Variants in ANO4 observed in about 807,000 individuals in gnomAD.
The protein encoded by ANO4 is anoctamin-4.
In ANO4, 69 loss-of-function variants were observed where a neutral mutation model predicts 141.9. The observed-to-expected ratio is 0.49, with a 90% CI of 0.40 to 0.59. The LOEUF (loss-of-function observed/expected upper bound fraction) is 0.59, where lower values mean the gene tolerates loss of function less well. Among genes scored for constraint, ANO4 ranks in the 20% least tolerant of loss-of-function variants. ANO4 has a pLI of 0.00. For missense variants in ANO4, 894 were observed against 1,162.2 expected, an observed-to-expected ratio of 0.77 and a Z score of 3.36; for synonymous variants, 350 against 394.3, an observed-to-expected ratio of 0.89 and a Z score of 1.33.
rs534882402 is a variant in ANO4, at chr12:100,859,728, G to T, written c.-140-41918G>T. On this transcript the variant is annotated intron_variant, in intron 1 of 27. Coordinates refer to ENST00000392977, the MANE Select transcript of ANO4 (RefSeq NM_001286615.2). ...GATCTGCCACTGCTTCAGAGCCTCT[G>T]TGAGGGCAGAGATAAGGTCTCGTTC... Among the ~76,000 whole-genome samples the T allele has an allele frequency of 1.2e-4, 18 of 152,278 alleles. No homozygotes were observed. In the South Asian group the frequency reaches 2.3e-3, roughly 19 times the overall value.
rs144617230 is a variant in ANO4 at position 100,751,847 on chromosome 12, T to C, written c.358+11742T>C. Among the ~76,000 whole-genome samples, 387 of 152,204 alleles carry C rather than the reference T, an allele frequency of 2.5e-3. 1 individual carries two copies. The highest frequency in any genetic ancestry group is 8.5e-3 in the African/African-American group (355 of 41,536). On this transcript the variant is annotated intron_variant, in intron 3 of 29. Coordinates refer to the ANO4 transcript ENST00000644049. ...GGGGTGTATAAAGAGGGCATTTAAT[T>C]TGGATTTTGAAGATGGGGAAAGACT...
At chr12:101,066,879 T>G in intron 14 of ANO4, 3 of 1,066,590 alleles carry the variant, frequency 2.8e-6, no homozygotes, top group Non-Finnish European at 4.4e-6. Context: ...AAATTTACAG[T>G]GCACACAAAG....
chr12:101,115,487 C>T (rs1014006210), intron 24 of ANO4, among the ~76,000 whole-genome samples: 6 of 152,026 alleles, frequency 3.9e-5, no homozygotes, highest in Admixed American at 1.3e-4. Flanking sequence ...AGTTATATAA[C>T]GTGCCAATAT....
At chr12:100,846,205 A>G (rs2037548879) in intron 1 of ANO4, among the ~76,000 whole-genome samples, 1 of 152,242 alleles carries the variant, frequency 6.6e-6, no homozygotes, top group African/African-American at 2.4e-5. Flanking sequence ...ATGAATTAGT[A>G]GTAAGCTGAA....
intron 3 of ANO4, among the ~76,000 whole-genome samples, chr12:100,785,922 C>A (rs567016612): frequency 5.3e-5 from 8 of 152,270 alleles, no homozygotes; most frequent in African/African-American, 1.9e-4. Context: ...AAAAATTCAT[C>A]CCTATAAAGG....
chr12:101,060,908 T>C (rs2048320416), intron 14 of ANO4, among the ~76,000 whole-genome samples: 1 of 152,242 alleles, frequency 6.6e-6, no homozygotes, highest in African/African-American at 2.4e-5. Flanking sequence ...ATGTGTGAAT[T>C]TGATCCTATC....
chr12:100,955,513 G>A (rs546679627), intron 5 of ANO4, among the ~76,000 whole-genome samples: 1 of 152,276 alleles, frequency 6.6e-6, no homozygotes, highest in South Asian at 2.1e-4. Flanking sequence ...TACTCCACTG[G>A]GAAAGGCAGA....
intron 22 of ANO4, among the ~76,000 whole-genome samples, chr12:101,104,552 G>A (rs2050332810): frequency 6.8e-6 from 1 of 146,810 alleles, no homozygotes; most frequent in Non-Finnish European, 1.5e-5. Context: ...TGTTATCAGA[G>A]TATATTCTCT....
At chr12:101,008,998 A>G (rs555397224) in intron 8 of ANO4, among the ~76,000 whole-genome samples, 1 of 151,922 alleles carries the variant, frequency 6.6e-6, no homozygotes, top group Non-Finnish European at 1.5e-5. Flanking sequence ...TGCATTCTCT[A>G]GTGACTTCCT....
At chr12:100,987,738 C>G in intron 8 of ANO4, 68 bp downstream of exon 8, 1 of 1,578,868 alleles carries the variant, frequency 6.3e-7, no homozygotes, top group Non-Finnish European at 8.6e-7. Context: ...TCACCCTGCA[C>G]GCCTTTGATT....
At chr12:100,785,904 A>G (rs1009999051) in intron 3 of ANO4, among the ~76,000 whole-genome samples, 3 of 152,222 alleles carry the variant, frequency 2.0e-5, no homozygotes, top group South Asian at 2.1e-4. Context: ...TTAAAAATTT[A>G]TAAAAGGAAA....
intron 14 of ANO4, chr12:101,069,186 A>G: frequency 7.9e-7 from 1 of 1,272,366 alleles, no homozygotes; most frequent in Non-Finnish European, 1.1e-6. Context: ...CATGCGAGGA[A>G]CAGTGTCTCC....
intron 7 of ANO4, among the ~76,000 whole-genome samples, chr12:100,978,828 T>C (rs2044321167): frequency 6.6e-6 from 1 of 152,094 alleles, no homozygotes; most frequent in South Asian, 2.1e-4. Flanking sequence ...GATACAGGTG[T>C]GGTGAGGAAG....
intron 8 of ANO4, among the ~76,000 whole-genome samples, chr12:101,015,548 A>G (rs1258655071): frequency 3.3e-5 from 5 of 152,200 alleles, no homozygotes; most frequent in Non-Finnish European, 5.9e-5. Context: ...TTTTGCTATT[A>G]TAACCCATGC....
chr12:100,753,219 G>A (rs2032460619), intron 3 of ANO4, among the ~76,000 whole-genome samples: 1 of 152,158 alleles, frequency 6.6e-6, no homozygotes, highest in African/African-American at 2.4e-5. Flanking sequence ...AATTAAAGAT[G>A]GGGCAGAATG....
chr12:100,928,804 AAGT>A (rs1416914823), intron 3 of ANO4, among the ~76,000 whole-genome samples: 2 of 152,112 alleles, frequency 1.3e-5, no homozygotes, highest in African/African-American at 4.8e-5. Flanking sequence ...TTTTACAATG[AAGT>A]AGTAGTAAGA....
At chr12:100,802,246 A>C (rs2034743245) in intron 1 of ANO4, among the ~76,000 whole-genome samples, 1 of 152,206 alleles carries the variant, frequency 6.6e-6, no homozygotes, top group African/African-American at 2.4e-5. Flanking sequence ...GCTATTTACA[A>C]GGAATACAGT....
rs3059281 is a variant in ANO4 at position 100,926,602 on chromosome 12, T to TTGTGTGTGTGTG, written c.160+4288_160+4299dup. Among the ~76,000 whole-genome samples, 616 of 147,494 alleles carry TTGTGTGTGTGTG rather than the reference T, an allele frequency of 4.2e-3. 5 individuals are homozygous for TTGTGTGTGTGTG. Among genetic ancestry groups the TTGTGTGTGTGTG allele is most frequent in the African/African-American group, 0.015 (595 of 40,344 alleles). ...ATGTGAAAGTATAACAAGGGTGTGTTTGTGTGTGTGTGTGTGTGTGTGTGT... is the reference window on the plus strand; with the variant it reads ...ATGTGAAAGTATAACAAGGGTGTGTTTGTGTGTGTGTGTGTGTGTGTGTGTGTGTGTGTGTGT... On this transcript the variant is annotated intron_variant, in intron 3 of 27. Coordinates refer to ENST00000392977, the MANE Select transcript of ANO4 (RefSeq NM_001286615.2).
At chr12:100,891,635 TAAC>T (rs2040112112) in intron 1 of ANO4, among the ~76,000 whole-genome samples, 1 of 152,160 alleles carries the variant, frequency 6.6e-6, no homozygotes, top group South Asian at 2.1e-4. Context: ...TATTTTCAAT[TAAC>T]AAATAAAAAT....
Sources: allele counts gnomAD v4.1 joint callset (sites outside exome capture counted in the v4.1 genomes callset), GRCh38; gene constraint gnomAD v4.1.1; transcripts MANE v1.5; gene names NCBI Gene and HGNC (gene_info 2026-07-23, HGNC 2026-07-21).